The following SEMA4C variants were observed in gnomAD, a reference collection of about 807,000 sequenced individuals.
SEMA4C encodes semaphorin-4C.
Under a neutral mutation model 89.0 loss-of-function variants are expected in SEMA4C, and 19 were observed. The ratio of observed to expected loss-of-function variants is 0.21; its 90% CI spans 0.15 to 0.31. The LOEUF is 0.31. Among genes scored for constraint, SEMA4C ranks in the 10% least tolerant of loss-of-function variants. The pLI, the probability that SEMA4C is intolerant of heterozygous loss-of-function variation, is 1.00. For missense variants in SEMA4C, 811 were observed against 1,107.0 expected, an observed-to-expected ratio of 0.73 and a Z score of 3.79; for synonymous variants, 428 against 472.7, an observed-to-expected ratio of 0.91 and a Z score of 1.23.
At chr2:96,868,025 G>A in intron 1 of SEMA4C, 102 bp from the exon 2 acceptor site, 1 of 1,450,628 alleles carries the variant, frequency 6.9e-7, no homozygotes. Flanking sequence ...GGCCTTCCAG[G>A]AGCCCCGGTG....
At chr2:96,868,703 C>A in intron 1 of SEMA4C, 1 of 973,922 alleles carries the variant, frequency 1.0e-6, no homozygotes, top group Non-Finnish European at 1.2e-6. Context: ...GGACCGAGCT[C>A]GGGTCGAGTC....
chr2:96,869,129 G>A (rs1476197999), intron 1 of SEMA4C: 1 of 985,284 alleles, frequency 1.0e-6, no homozygotes. Context: ...CGGGAGAGCG[G>A]GGGCTGCGCC....
rs777398596 is a variant in SEMA4C, at chr2:96,861,218, G to C, written c.1910C>G (p.Ala637Gly). 2.5e-6 allele frequency: 4 copies of C among 1,610,450 alleles called. No homozygotes were observed. In the Admixed American group the frequency reaches 5.0e-5, roughly 20 times the overall value. Residue 637 changes from alanine to glycine, a missense_variant, in exon 15 of 15, where the codon GCT becomes GGT. Ala to Gly is a moderately conservative substitution (Grantham distance 60). This residue lies in a region of SEMA4C where 248 missense variants were observed against 269.0 expected (regional missense o/e 0.92). Transcript: ENST00000305476. The surrounding 1 kb of genome is among the most constrained non-coding windows in gnomAD (Gnocchi z 7.8). ...CFSEEQGARLAAEGYLVAVVA... is the reference protein window; with the variant it reads ...CFSEEQGARLGAEGYLVAVVA... ...GACAGCCACAAGGTAGCCTTCAGCA[G>C]CCAGCCGCGCCCCCTGCTCCTCTGA...
At chr2:96,869,624 C>A in intron 1 of SEMA4C, 1 of 985,244 alleles carries the variant, frequency 1.0e-6, no homozygotes, top group Non-Finnish European at 1.2e-6. Flanking sequence ...CGCGAGGAAC[C>A]CTCGCTGGCG....
In SEMA4C at chr2:96,861,923, G is replaced by A; in HGVS notation, c.1444-29C>T. On this transcript the variant is annotated intron_variant, in intron 12 of 14. Coordinates refer to ENST00000305476, the MANE Select transcript of SEMA4C (RefSeq NM_017789.5). The surrounding 1 kb of genome is among the most constrained non-coding windows in gnomAD (Gnocchi z 7.8). Reference sequence around the variant, plus strand: ...CGAGAAAAGCGGGGCGCAGGAGGGGGGTCGGCCAGGGCCACACCACGGGAG... The same window carrying A: ...CGAGAAAAGCGGGGCGCAGGAGGGGAGTCGGCCAGGGCCACACCACGGGAG... 3.8e-6 allele frequency: 6 copies of A among 1,579,086 alleles called. No homozygotes were observed. The highest frequency in any genetic ancestry group is 5.2e-6 in the Non-Finnish European group (6 of 1,163,852).
In SEMA4C at chr2:96,861,918, A is replaced by AG; in HGVS notation, c.1444-25dup. On this transcript the variant is annotated intron_variant, in intron 12 of 14. Coordinates refer to ENST00000305476, the MANE Select transcript of SEMA4C (RefSeq NM_017789.5). This position sits in a 1 kb window ranked among gnomAD's most constrained non-coding sequence, Gnocchi z 7.8. ...TTCTGCGAGAAAAGCGGGGCGCAGGAGGGGGGTCGGCCAGGGCCACACCAC... is the reference window on the plus strand; with the variant it reads ...TTCTGCGAGAAAAGCGGGGCGCAGGAGGGGGGGTCGGCCAGGGCCACACCAC... 1.3e-6 allele frequency: 2 copies of AG among 1,587,460 alleles called. No individual in the cohort carries two copies. The highest frequency in any genetic ancestry group is 2.3e-5 in the East Asian group (1 of 43,694).
intron 5 of SEMA4C, 64 bp downstream of exon 5, chr2:96,865,602 G>A (rs2080051211): frequency 2.6e-6 from 4 of 1,564,130 alleles, no homozygotes; most frequent in African/African-American, 1.4e-5. Flanking sequence ...CCACATCCAC[G>A]AGTCCAGAGA....
At position 96,860,496 on chromosome 2, in the gene SEMA4C, G is replaced by T; in HGVS notation, c.*130C>A. The T allele has an allele frequency of 1.2e-6, 1 of 814,308 alleles. No homozygotes were observed. Among genetic ancestry groups the T allele is most frequent in the African/African-American group, 1.7e-5 (1 of 58,074 alleles). 50.4% of individuals were successfully genotyped at this position (814,308 alleles called of 1,614,324 possible). ...CTGAGCAGAGCAGGTCCTCATGGCC[G>T]GGTGGGTGCTGGGCAGTATCTGTCC... On this transcript the variant is annotated 3_prime_UTR_variant, in exon 15 of 15. Coordinates refer to ENST00000305476, the MANE Select transcript of SEMA4C (RefSeq NM_017789.5).
At chr2:96,868,426 C>T in intron 1 of SEMA4C, 1 of 999,398 alleles carries the variant, frequency 1.0e-6, no homozygotes, top group Non-Finnish European at 1.2e-6. Flanking sequence ...CTGGTGCGGC[C>T]GGCTGCGAGC....
intron 2 of SEMA4C, 49 bp from the exon 3 acceptor site, chr2:96,866,480 C>A (rs1183791005): frequency 6.2e-7 from 1 of 1,612,866 alleles, no homozygotes; most frequent in Non-Finnish European, 8.5e-7. Context: ...TGGGGCTCGA[C>A]AGCCCTCAGT....
rs752167983 is a variant in SEMA4C, at chr2:96,865,767, G to T, written c.322-3C>A. 6.2e-7 allele frequency: 1 copy of T among 1,614,096 alleles called. No homozygotes were observed. The highest frequency in any genetic ancestry group is 2.2e-5 in the East Asian group (1 of 44,868). On this transcript the variant is annotated splice_polypyrimidine_tract_variant and splice_region_variant and intron_variant, in intron 4 of 14. Coordinates refer to ENST00000305476, the MANE Select transcript of SEMA4C (RefSeq NM_017789.5). ...CGGATGAAGTTGAAGCACTCGGTCTGGGGGCAGAAAGGTGTCCGGTTAGTG... is the reference window on the plus strand; with the variant it reads ...CGGATGAAGTTGAAGCACTCGGTCTTGGGGCAGAAAGGTGTCCGGTTAGTG...
chr2:96,865,738 G>C lies in SEMA4C; in HGVS notation c.348C>G (p.Phe116Leu), dbSNP rs146212358. 66 of 1,614,048 alleles carry C rather than the reference G, an allele frequency of 4.1e-5. No homozygotes were observed. The highest frequency in any genetic ancestry group is 5.4e-5 in the Non-Finnish European group (64 of 1,180,016). ...GGTGGGAGGCATTGTAGGGCTGCAG[G>C]AAGCGGATGAAGTTGAAGCACTCGG... ...NQTECFNFIRFLQPYNASHLY... is the reference protein window; with the variant it reads ...NQTECFNFIRLLQPYNASHLY... The change falls in exon 5 of 15, where the codon TTC (phenylalanine) becomes TTG (leucine). Residue 116 changes from phenylalanine (F) to leucine (L), a missense_variant. By Grantham distance (22) the Phe-to-Leu change is conservative (BLOSUM62 0). Coordinates refer to ENST00000305476, the MANE Select transcript of SEMA4C (RefSeq NM_017789.5).
Position 96,866,422 on chromosome 2 carries a change from G to A in SEMA4C, c.119C>T (p.Thr40Met), listed in dbSNP as rs556051103. 505 of 1,613,968 alleles carry A rather than the reference G, an allele frequency of 3.1e-4. 5 individuals are homozygous for A. The South Asian group carries it at 5.0e-3, about 16-fold the overall frequency. Residue 40 changes from threonine (T) to methionine (M), a missense_variant, in exon 3 of 15, where the codon ACG (threonine) becomes ATG (methionine). Thr to Met is a moderately conservative substitution (Grantham distance 81, BLOSUM62 -1). Coordinates refer to ENST00000305476, the MANE Select transcript of SEMA4C (RefSeq NM_017789.5). ...GGTCTGGGAGAACCGCCGTACTACC[G>A]TGGCCAGCTCTGCAGGGGTAAGCAT... The part of the protein sequence containing the change: ...RKTVSSGELA[T>M]VVRRFSQTGI...
At chr2:96,867,750 C>G in intron 2 of SEMA4C, 28 bp downstream of exon 2, 12 of 1,600,912 alleles carry the variant, frequency 7.5e-6, no homozygotes, top group African/African-American at 1.3e-5. Context: ...CTGTCCCTGA[C>G]TTCCTCCTCA....
In SEMA4C at chr2:96,861,273, G is replaced by T; in HGVS notation, c.1855C>A (p.Pro619Thr). ...CAGTGGTAGGCCCCGGCATGGCGGG[G>T]CTGGGCAGCCATCACAACCAGGGCC... Reference protein sequence around the residue: ...LQALVVMAAQPRHAGAYHCFS... With the variant: ...LQALVVMAAQTRHAGAYHCFS... Residue 619 changes from proline to threonine, a missense_variant, in exon 15 of 15, where the codon CCC becomes ACC. This residue lies in a region of SEMA4C where 441 missense variants were observed against 664.9 expected (regional missense o/e 0.66). Transcript: ENST00000305476. The surrounding 1 kb of genome is among the most constrained non-coding windows in gnomAD (Gnocchi z 7.8). 1 of 1,607,762 alleles carries T rather than the reference G, an allele frequency of 6.2e-7. No homozygotes were observed.
Position 96,861,963 on chromosome 2 carries a change from G to C in SEMA4C, c.1444-69C>G. 1 of 1,514,548 alleles carries C rather than the reference G, an allele frequency of 6.6e-7. No individual in the cohort carries two copies. The highest frequency in any genetic ancestry group is 8.9e-7 in the Non-Finnish European group (1 of 1,125,944). 93.8% of individuals were successfully genotyped at this position (1,514,548 alleles called of 1,614,324 possible). A position where few individuals can be genotyped will look rare whatever the true frequency, so the allele number is the denominator to read the frequency against. On this transcript the variant is annotated intron_variant, in intron 12 of 14. Coordinates refer to ENST00000305476, the MANE Select transcript of SEMA4C (RefSeq NM_017789.5). The surrounding 1 kb of genome is among the most constrained non-coding windows in gnomAD (Gnocchi z 7.8). ...CACCACGGGAGGGGCGGCCGGACCA[G>C]AACGCAGCATGGGGACAGCTTGGAC...
At chr2:96,868,058 A>T in intron 1 of SEMA4C, 135 bp from the exon 2 acceptor site, 1 of 1,233,490 alleles carries the variant, frequency 8.1e-7, no homozygotes, top group Non-Finnish European at 1.1e-6. Context: ...TTCTCTTTGG[A>T]GGTGGACCTA....
At chr2:96,869,199 C>G (rs1411444344) in intron 1 of SEMA4C, 1 of 985,394 alleles carries the variant, frequency 1.0e-6, no homozygotes, top group Non-Finnish European at 1.2e-6. Context: ...GAGGATCGGG[C>G]CGCACCCCGT....
rs1559028632 is a variant in SEMA4C at position 96,860,137 on chromosome 2, T to C, written c.*489A>G. 6.6e-6 allele frequency: 1 copy of C among 152,080 alleles called. No homozygotes were observed. The highest frequency in any genetic ancestry group is 1.4e-5 in the Non-Finnish European group (1 of 70,382). The allele number at this position is 152,080 out of a possible 1,614,324, so 9.4% of individuals were successfully genotyped here. ...TGTCCACCCCACCTCCATATGTACATCGCTGCCCGACACTCGGGGCAGTGG... is the reference window on the plus strand; with the variant it reads ...TGTCCACCCCACCTCCATATGTACACCGCTGCCCGACACTCGGGGCAGTGG... On this transcript the variant is annotated 3_prime_UTR_variant, in exon 15 of 15. Coordinates refer to ENST00000305476, the MANE Select transcript of SEMA4C (RefSeq NM_017789.5).
Sources: allele counts gnomAD v4.1 joint callset, GRCh38; gene constraint gnomAD v4.1.1; regional missense constraint gnomAD v4.1.1; non-coding constraint Gnocchi (gnomAD v3.1); transcripts MANE v1.5; gene names NCBI Gene and HGNC (gene_info 2026-07-23, HGNC 2026-07-21).